Variants in TMEM179 observed in about 807,000 individuals in gnomAD.
The protein encoded by TMEM179 is transmembrane protein 179A.
TMEM179 carries 17 observed loss-of-function variants against 22.2 expected under a neutral mutation model. The observed-to-expected ratio is 0.77, with a 90% CI of 0.52 to 1.15. TMEM179 has a LOEUF of 1.15. Ranked by LOEUF, TMEM179 falls within the 50% of genes most tolerant of loss-of-function variation. The pLI is 0.00. For synonymous variants in TMEM179, 127 were observed against 140.5 expected (o/e 0.90, Z 0.68); for missense variants, 265 against 313.6 (o/e 0.84, Z 1.17).
intron 1 of TMEM179, among the ~76,000 whole-genome samples, chr14:104,598,349 G>A (rs998217005): frequency 6.6e-6 from 1 of 152,220 alleles, no homozygotes; most frequent in Non-Finnish European, 1.5e-5. Context: ...CAGCAGGCTC[G>A]ATGTTAGCCT....
Position 104,597,786 on chromosome 14 carries a change from G to A in TMEM179, c.306-659C>T, listed in dbSNP as rs942659427. Among the ~76,000 whole-genome samples, 1 of 152,184 alleles carries A rather than the reference G, an allele frequency of 6.6e-6. No homozygotes were observed. Among genetic ancestry groups the A allele is most frequent in the African/African-American group, 2.4e-5 (1 of 41,448 alleles). On this transcript the variant is annotated intron_variant, in intron 1 of 3. Transcript: ENST00000556573. This position sits in a 1 kb window ranked among gnomAD's most constrained non-coding sequence, Gnocchi z 4.8. ...TTACAAGACCCCAGCCTGTGATGCC[G>A]AGAGCTTCCATTCACCCGCAGGTCA...
Position 104,595,142 on chromosome 14 carries a change from C to A in TMEM179, c.522+23G>T. 1 of 1,613,642 alleles carries A rather than the reference C, an allele frequency of 6.2e-7. No homozygotes were observed. The highest frequency in any genetic ancestry group is 8.5e-7 in the Non-Finnish European group (1 of 1,179,910). ...GCCCCCTCCCAGCATTGCAAGCCTC[C>A]CTTCTTGCCCAGAGCCCCCTACCTG... On this transcript the variant is annotated intron_variant, in intron 3 of 3. Coordinates refer to ENST00000556573, the MANE Select transcript of TMEM179 (RefSeq NM_001286389.2). The surrounding 1 kb of genome is among the most constrained non-coding windows in gnomAD (Gnocchi z 5.7).
chr14:104,596,839 G>T (rs1887039201), intron 2 of TMEM179, 151 bp downstream of exon 2: 2 of 1,005,098 alleles, frequency 2.0e-6, no homozygotes, highest in Non-Finnish European at 1.4e-6. Flanking sequence ...GGCTGCACAG[G>T]TATGCACAGG....
In TMEM179 at chr14:104,592,390, G is replaced by T; in HGVS notation, c.*1089C>A. ...ACGCACAACAGTCACACCCTCACAT[G>T]CAGTCACACCCACATGCACACTCAT... On this transcript the variant is annotated 3_prime_UTR_variant, in exon 4 of 4. Coordinates refer to ENST00000556573, the MANE Select transcript of TMEM179 (RefSeq NM_001286389.2). 1 of 153,310 alleles carries T rather than the reference G, an allele frequency of 6.5e-6. No individual in the cohort carries two copies. The highest frequency in any genetic ancestry group is 1.8e-4 in the South Asian group (1 of 5,494). The allele number at this position is 153,310 out of a possible 1,614,324, so 9.5% of individuals were successfully genotyped here.
intron 3 of TMEM179, chr14:104,594,378 TG>T (rs1886946939): frequency 8.1e-7 from 1 of 1,231,630 alleles, no homozygotes; most frequent in African/African-American, 1.6e-5. Flanking sequence ...GAGGCCAGCC[TG>T]GGGTCCGGAA....
intron 2 of TMEM179, among the ~76,000 whole-genome samples, chr14:104,596,206 G>A (rs2140484614): frequency 6.6e-6 from 1 of 152,364 alleles, no homozygotes; most frequent in Non-Finnish European, 1.5e-5. Context: ...GCAGATGCTG[G>A]GGTTTCAGGT....
At position 104,593,455 on chromosome 14, in the gene TMEM179, C is replaced by A; in HGVS notation, c.*24G>T. Reference sequence around the variant, plus strand: ...CCGAGCGCAGCAGGGAGGTCGGGGCCAGCTCCCCCTGCCTGCACTGTGCCT... The same window carrying A: ...CCGAGCGCAGCAGGGAGGTCGGGGCAAGCTCCCCCTGCCTGCACTGTGCCT... On this transcript the variant is annotated 3_prime_UTR_variant, in exon 4 of 4. Coordinates refer to ENST00000556573, the MANE Select transcript of TMEM179 (RefSeq NM_001286389.2). The A allele has an allele frequency of 9.1e-6, 14 of 1,536,004 alleles. No individual in the cohort carries two copies. The highest frequency in any genetic ancestry group is 1.2e-5 in the Non-Finnish European group (14 of 1,146,814).
In TMEM179 at chr14:104,591,899, C is replaced by T. The variant is rs1188238202; in HGVS notation, c.*1580G>A. On this transcript the variant is annotated 3_prime_UTR_variant, in exon 4 of 4. Transcript: ENST00000556573. ...GGGAGGCCCCCCGCCTCCGCCCCCG[C>T]CCCAGAACGAGTCCTCTGGAGGTGG... 5.6e-6 allele frequency: 1 copy of T among 178,410 alleles called. No individual in the cohort carries two copies. Among genetic ancestry groups the T allele is most frequent in the Non-Finnish European group, 1.2e-5 (1 of 83,646 alleles). 11.1% of individuals were successfully genotyped at this position (178,410 alleles called of 1,614,324 possible). A position where few individuals can be genotyped will look rare whatever the true frequency, so the allele number is the denominator to read the frequency against.
chr14:104,599,893 G>A (rs999533746), intron 1 of TMEM179, among the ~76,000 whole-genome samples: 22 of 152,120 alleles, frequency 1.4e-4, no homozygotes, highest in Admixed American at 1.2e-3. Context: ...GGGCCCAGGC[G>A]ACCCACTGTC....
chr14:104,594,544 G>A, intron 3 of TMEM179: 13 of 1,230,882 alleles, frequency 1.1e-5, no homozygotes, highest in South Asian at 4.2e-5. Flanking sequence ...TTCCCCCTCC[G>A]GCCCTCACGG....
chr14:104,598,641 G>A (rs1320130149), intron 1 of TMEM179, among the ~76,000 whole-genome samples: 6 of 152,216 alleles, frequency 3.9e-5, no homozygotes, highest in African/African-American at 9.7e-5. Flanking sequence ...CCCAGCCAAC[G>A]TGCTGAGGAT....
rs140417360 is a variant in TMEM179, at chr14:104,593,326, C to T, written c.*153G>A. ...CCAGGCTCACAGGTGGGCACTGGGGCGCTCACCTCACTACACGTGGCGTCG... is the reference window on the plus strand; with the variant it reads ...CCAGGCTCACAGGTGGGCACTGGGGTGCTCACCTCACTACACGTGGCGTCG... On this transcript the variant is annotated 3_prime_UTR_variant, in exon 4 of 4. Transcript: ENST00000556573. 4.0e-4 allele frequency: 359 copies of T among 892,386 alleles called. 2 individuals carry two copies. The East Asian group carries it at 8.9e-3, about 22-fold the overall frequency. The allele number at this position is 892,386 out of a possible 1,614,324, so 55.3% of individuals were successfully genotyped here.
At chr14:104,603,631 C>T (rs1473722017) in intron 1 of TMEM179, among the ~76,000 whole-genome samples, 1 of 144,960 alleles carries the variant, frequency 6.9e-6, no homozygotes, top group Non-Finnish European at 1.5e-5. Context: ...GATGGGCTCA[C>T]AGAGGGCACC....
chr14:104,593,714 A>C, intron 3 of TMEM179, 56 bp from the exon 4 acceptor site: 1 of 1,423,136 alleles, frequency 7.0e-7, no homozygotes, highest in South Asian at 1.5e-5. Flanking sequence ...TGTCAGTGCA[A>C]CCCCCTCCCA....
chr14:104,594,669 G>C (rs1467588059), intron 3 of TMEM179: 1 of 1,204,786 alleles, frequency 8.3e-7, no homozygotes, highest in Admixed American at 4.4e-5. Flanking sequence ...CTTATACAAG[G>C]GCAGGGTGGC....
chr14:104,593,742 C>T, intron 3 of TMEM179, 84 bp from the exon 4 acceptor site: 1 of 1,397,356 alleles, frequency 7.2e-7, no homozygotes, highest in Non-Finnish European at 9.4e-7. Context: ...CCAGGCTCTG[C>T]TCTGCAGGGA....
rs1886900766 is a variant in TMEM179, at chr14:104,593,251, G to A, written c.*228C>T. Reference sequence around the variant, plus strand: ...CCCCCGCCCCCGCCCCACACCCATAGTCTCTCTGCACCATCCTCATCAGGG... The same window carrying A: ...CCCCCGCCCCCGCCCCACACCCATAATCTCTCTGCACCATCCTCATCAGGG... On this transcript the variant is annotated 3_prime_UTR_variant, in exon 4 of 4. Transcript: ENST00000556573. The A allele has an allele frequency of 3.3e-6, 2 of 597,910 alleles. No individual in the cohort carries two copies. Among genetic ancestry groups the A allele is most frequent in the African/African-American group, 1.9e-5 (1 of 53,542 alleles). The allele number at this position is 597,910 out of a possible 1,614,324, so 37.0% of individuals were successfully genotyped here.
intron 1 of TMEM179, among the ~76,000 whole-genome samples, chr14:104,600,218 A>G (rs1340579822): frequency 6.6e-6 from 1 of 152,220 alleles, no homozygotes; most frequent in African/African-American, 2.4e-5. Context: ...CAGAGGTCAC[A>G]GGGCCACCCA....
intron 2 of TMEM179, 109 bp downstream of exon 2, chr14:104,596,881 C>T (rs1887040495): frequency 1.1e-5 from 15 of 1,424,436 alleles, no homozygotes; most frequent in South Asian, 6.6e-5. Flanking sequence ...GACCAGGGAC[C>T]GCAGACTCAG....
Sources: gnomAD v4.1 joint callset for allele counts (sites outside exome capture counted in the v4.1 genomes callset) on GRCh38, gnomAD v4.1.1 for gene constraint, Gnocchi (gnomAD v3.1) non-coding constraint, MANE v1.5 for transcripts, NCBI Gene and HGNC (gene_info 2026-07-23, HGNC 2026-07-21) for gene names.